NCAM1: variants seen among roughly 807,000 people sequenced by gnomAD.
NCAM1 encodes the protein antigen recognized by monoclonal antibody 5.1H11.
A neutral mutation model predicts 109.8 loss-of-function variants in NCAM1; 14 were observed. That is an observed-to-expected ratio of 0.13 (90% CI 0.08 to 0.20). NCAM1 has a LOEUF of 0.20. Ranked by LOEUF, NCAM1 falls within the 10% of genes least tolerant of loss-of-function variation. The pLI is 1.00. For synonymous variants in NCAM1, 418 were observed against 442.9 expected (o/e 0.94, Z 0.70); for missense variants, 774 against 1,109.9 (o/e 0.70, Z 4.30).
At chr11:112,998,138 T>C (rs1199172216) in intron 1 of NCAM1, among the ~76,000 whole-genome samples, 5 of 152,232 alleles carry the variant, frequency 3.3e-5, no homozygotes, top group Non-Finnish European at 7.3e-5. Flanking sequence ...TGCTCATACA[T>C]ATGCACATAA....
chr11:113,118,596 A>G (rs533082426), intron 1 of NCAM1, among the ~76,000 whole-genome samples: 3 of 152,048 alleles, frequency 2.0e-5, no homozygotes, highest in East Asian at 3.9e-4. Context: ...CCCTTCTGGT[A>G]TGCTTGTGTC....
chr11:113,165,227 A>G (rs1555105075), intron 1 of NCAM1, among the ~76,000 whole-genome samples: 1 of 152,152 alleles, frequency 6.6e-6, no homozygotes, highest in Non-Finnish European at 1.5e-5. Context: ...AGTGACTTAG[A>G]AAGTCACTTA....
chr11:113,211,062 T>C (rs1355722490), intron 7 of NCAM1, among the ~76,000 whole-genome samples: 1 of 152,196 alleles, frequency 6.6e-6, no homozygotes, highest in Non-Finnish European at 1.5e-5. Flanking sequence ...TCCCTTCTCA[T>C]CCTCCTTTCT....
chr11:113,060,492 T>A (rs1953877266), intron 1 of NCAM1, among the ~76,000 whole-genome samples: 1 of 152,312 alleles, frequency 6.6e-6, no homozygotes, highest in African/African-American at 2.4e-5. Context: ...TTTGGTGATG[T>A]GCGAGGTTCA....
At chr11:113,086,011 T>C (rs1939068040) in intron 1 of NCAM1, among the ~76,000 whole-genome samples, 1 of 152,264 alleles carries the variant, frequency 6.6e-6, no homozygotes, top group Non-Finnish European at 1.5e-5. Context: ...TACACATTAA[T>C]AATAGCAGTA....
intron 1 of NCAM1, among the ~76,000 whole-genome samples, chr11:113,162,498 A>G (rs17510563): frequency 0.078 from 11,865 of 152,188 alleles, 577 homozygotes; most frequent in Non-Finnish European, 0.1. Flanking sequence ...CCTAATAACT[A>G]CTGGAGGTGA....
intron 1 of NCAM1, among the ~76,000 whole-genome samples, chr11:113,029,116 A>C (rs1381385851): frequency 2.6e-5 from 4 of 152,210 alleles, no homozygotes; most frequent in African/African-American, 4.8e-5. Context: ...GGCAGTAATG[A>C]CTGAATTGAC....
intron 17 of NCAM1, chr11:113,263,878 C>G (rs1182346237): frequency 1.0e-6 from 1 of 985,466 alleles, no homozygotes; most frequent in African/African-American, 1.7e-5. Context: ...GACTGCCCAG[C>G]CCAGGAGGGT....
At chr11:113,208,046 C>G (rs1270509498) in intron 7 of NCAM1, 44 bp downstream of exon 7, 8 of 1,562,354 alleles carry the variant, frequency 5.1e-6, no homozygotes, top group Non-Finnish European at 6.1e-6. Context: ...CCACAATTCC[C>G]CTTCCTCTGC....
chr11:112,985,276 A>G (rs1392131416), intron 1 of NCAM1, among the ~76,000 whole-genome samples: 20 of 146,522 alleles, frequency 1.4e-4, no homozygotes, highest in Non-Finnish European at 2.5e-4. Flanking sequence ...TGCCAGTACC[A>G]TACTGTTTTG....
chr11:113,217,351 G>A (rs1944559838), intron 8 of NCAM1, among the ~76,000 whole-genome samples: 1 of 152,174 alleles, frequency 6.6e-6, no homozygotes. Context: ...CTTTGCATGA[G>A]AGACATTAAA....
At chr11:113,066,947 T>G (rs1937990098) in intron 1 of NCAM1, among the ~76,000 whole-genome samples, 1 of 137,876 alleles carries the variant, frequency 7.3e-6, no homozygotes, top group African/African-American at 2.8e-5. Flanking sequence ...AAGCTTGCAG[T>G]GAGCCGAGAT....
chr11:113,159,322 G>A (rs888192624), intron 1 of NCAM1, among the ~76,000 whole-genome samples: 3 of 152,142 alleles, frequency 2.0e-5, no homozygotes, highest in Non-Finnish European at 4.4e-5. Context: ...TAAGTGAGAT[G>A]TTTATGTATT....
In NCAM1 at chr11:113,201,414, C is replaced by T. The variant is rs542761388; in HGVS notation, c.53-965C>T. On this transcript the variant is annotated intron_variant, in intron 1 of 19. Transcript: ENST00000316851. ...TGTCCCTCCTGTTGGCCAGAAGAAG[C>T]CCCATGCACTGAACCAAATACCTGT... Among the ~76,000 whole-genome samples the T allele has an allele frequency of 5.5e-4, 84 of 152,306 alleles. No individual in the cohort carries two copies. In the South Asian group the frequency reaches 9.9e-3, roughly 18 times the overall value.
intron 1 of NCAM1, among the ~76,000 whole-genome samples, chr11:113,101,048 G>T (rs1041776451): frequency 1.3e-5 from 2 of 152,156 alleles, no homozygotes; most frequent in African/African-American, 4.8e-5. Context: ...CCCAGAAGGA[G>T]CCTGGTTGTA....
At chr11:113,191,789 A>ATATG (rs1168961668) in intron 1 of NCAM1, among the ~76,000 whole-genome samples, 1 of 151,946 alleles carries the variant, frequency 6.6e-6, no homozygotes, top group Non-Finnish European at 1.5e-5. Context: ...ATATATATAT[A>ATATG]TATGTATATG....
At chr11:113,236,119 T>C (rs887397790) in intron 14 of NCAM1, among the ~76,000 whole-genome samples, 1 of 152,258 alleles carries the variant, frequency 6.6e-6, no homozygotes, top group Admixed American at 6.5e-5. Flanking sequence ...TAGGAAAGCC[T>C]GTCTCATCTT....
intron 1 of NCAM1, among the ~76,000 whole-genome samples, chr11:113,117,195 A>C (rs1276314135): frequency 6.6e-6 from 1 of 151,998 alleles, no homozygotes; most frequent in African/African-American, 2.4e-5. Context: ...AGTGGCCAGC[A>C]AAAACTGTTA....
intron 1 of NCAM1, among the ~76,000 whole-genome samples, chr11:113,099,089 A>G (rs1358356619): frequency 6.6e-6 from 1 of 152,184 alleles, no homozygotes; most frequent in Non-Finnish European, 1.5e-5. Flanking sequence ...GGTAGGCGCT[A>G]TTACTTTCCT....
Sources: allele counts gnomAD v4.1 joint callset (sites outside exome capture counted in the v4.1 genomes callset), GRCh38; gene constraint gnomAD v4.1.1; transcripts MANE v1.5; gene names NCBI Gene and HGNC (gene_info 2026-07-23, HGNC 2026-07-21).